The following LTBP2 variants were observed in gnomAD, a reference collection of about 807,000 sequenced individuals.
LTBP2 encodes the protein latent transforming growth factor beta binding protein 2.
In LTBP2, 103 loss-of-function variants were observed where a neutral mutation model predicts 210.6. That is an observed-to-expected ratio of 0.49 (90% confidence interval 0.42 to 0.58). The LOEUF (loss-of-function observed/expected upper bound fraction) is 0.58. Ranked by LOEUF, LTBP2 falls within the 20% of genes least tolerant of loss-of-function variation. The pLI is 0.00. For missense variants in LTBP2, 2,313 were observed against 2,494.5 expected, an observed-to-expected ratio of 0.93 and a Z score of 1.55; for synonymous variants, 1,007 against 1,015.0, an observed-to-expected ratio of 0.99 and a Z score of 0.15.
At position 74,532,494 on chromosome 14, in the gene LTBP2, G is replaced by A; in HGVS notation, c.1919C>T (p.Thr640Ile). The change falls in exon 10 of 36, where the codon ACC becomes ATC. Residue 640 changes from threonine (T) to isoleucine (I), a missense_variant. By Grantham distance (89) the Thr-to-Ile change is moderately conservative. Around this residue, in one of 3 missense-constraint regions of LTBP2, gnomAD observed 1,867 missense variants for 1,976.9 expected, o/e 0.94. Coordinates refer to ENST00000261978, the MANE Select transcript of LTBP2 (RefSeq NM_000428.3). ...GLCKDAECVN[T>I]RGSYLCTCRP... is the part of the protein sequence containing the mutation. ...GCATGTGCACAGGTAGCTGCCCCTG[G>A]TATTCACACACTCCGCGTCCTTGCA... 1.9e-6 allele frequency: 3 copies of A among 1,614,214 alleles called. No individual in the cohort carries two copies. Among genetic ancestry groups the A allele is most frequent in the Non-Finnish European group, 2.5e-6 (3 of 1,180,036 alleles).
At position 74,504,064 on chromosome 14, in the gene LTBP2, G is replaced by A. The variant is rs1400891203; in HGVS notation, c.4454-10C>T. 3.7e-6 allele frequency: 6 copies of A among 1,613,710 alleles called. No homozygotes were observed. Among genetic ancestry groups the A allele is most frequent in the African/African-American group, 2.7e-5 (2 of 75,072 alleles). On this transcript the variant is annotated splice_polypyrimidine_tract_variant and intron_variant, in intron 30 of 35. Coordinates refer to ENST00000261978, the MANE Select transcript of LTBP2 (RefSeq NM_000428.3). The stretch of plus-strand genomic sequence containing the variant: ...ACACACTCATCCGCATCTGTGGAAG[G>A]CAGAGCTGAGGTGAGAGGAAGGTGA...
chr14:74,577,676 T>C (rs1358678049), intron 3 of LTBP2, among the ~76,000 whole-genome samples: 3 of 151,892 alleles, frequency 2.0e-5, no homozygotes, highest in South Asian at 2.1e-4. Context: ...ACCCAGCTAA[T>C]TTTTGTATCT....
At chr14:74,555,411 G>T in intron 4 of LTBP2, 92 bp downstream of exon 4, 1 of 1,286,492 alleles carries the variant, frequency 7.8e-7, no homozygotes, top group Non-Finnish European at 1.1e-6. Flanking sequence ...TGACAACTCA[G>T]CCCCTCTGTG....
rs955375406 is a variant in LTBP2, at chr14:74,611,911, G to C, written c.34C>G (p.Arg12Gly). ...CCTCTCCAGGGGTTCCGCAGGGCGC[G>C]CCCCGGGCTGCGGGCTTTGGTCCGC... ...RPRTKARSPG[R>G]ALRNPWRGFL... The change falls in exon 1 of 36, where the codon CGC becomes GGC. Residue 12 changes from arginine (R) to glycine (G), a missense_variant. Arg to Gly is a moderately radical substitution (Grantham distance 125). Transcript: ENST00000261978. The C allele has an allele frequency of 1.3e-6, 2 of 1,593,064 alleles. No homozygotes were observed. Among genetic ancestry groups the C allele is most frequent in the Admixed American group, 1.7e-5 (1 of 58,906 alleles).
At chr14:74,529,169 G>A (rs2087318558) in intron 10 of LTBP2, 47 bp from the exon 11 acceptor site, 1 of 1,549,026 alleles carries the variant, frequency 6.5e-7, no homozygotes, top group South Asian at 1.2e-5. Context: ...CCAGTGGGAG[G>A]GGAATGCGCA....
Position 74,527,364 on chromosome 14 carries a change from C to G in LTBP2, c.2371G>C (p.Asp791His). The change falls in exon 13 of 36, where the codon GAC (aspartate) becomes CAC (histidine). Residue 791 changes from aspartate to histidine, a missense_variant and splice_region_variant. Coordinates refer to ENST00000261978, the MANE Select transcript of LTBP2 (RefSeq NM_000428.3). ...LEAGTIPDKG[D>H]SQAGQVTTSV... ...GCACTCACCTGGCCAGCCTGAGAGT[C>G]ACCTGGAAGGGAAAGGTAACAGCGT... is the stretch of plus-strand genomic sequence containing the variant. 1 of 1,611,304 alleles carries G rather than the reference C, an allele frequency of 6.2e-7. No homozygotes were observed. Among genetic ancestry groups the G allele is most frequent in the Non-Finnish European group, 8.5e-7 (1 of 1,179,024 alleles).
At chr14:74,589,089 A>G (rs548583378) in intron 2 of LTBP2, among the ~76,000 whole-genome samples, 1 of 152,162 alleles carries the variant, frequency 6.6e-6, no homozygotes, top group East Asian at 1.9e-4. Context: ...GACAGTGGAG[A>G]CCCCAGGACC....
intron 3 of LTBP2, among the ~76,000 whole-genome samples, chr14:74,585,506 C>T (rs1171222010): frequency 6.6e-6 from 1 of 152,246 alleles, no homozygotes; most frequent in Non-Finnish European, 1.5e-5. Flanking sequence ...AGGTAAGTGA[C>T]TCGCCTGGGG....
chr14:74,527,969 T>C (rs1279760240), intron 12 of LTBP2, among the ~76,000 whole-genome samples: 2 of 152,230 alleles, frequency 1.3e-5, no homozygotes, highest in Admixed American at 6.5e-5. Context: ...ACCAGTGACC[T>C]GGGCATGACT....
chr14:74,553,081 G>A lies in LTBP2; in HGVS notation c.1022-19C>T, dbSNP rs776910003. 4 of 1,613,448 alleles carry A rather than the reference G, an allele frequency of 2.5e-6. No homozygotes were observed. The South Asian group carries it at 3.3e-5, about 13-fold the overall frequency. The stretch of plus-strand genomic sequence containing the variant: ...TTCAGCCCTGCAGAGAGAGGGCTTG[G>A]GTCCAGGGGGCAGGGCTGAGAGGCA... On this transcript the variant is annotated intron_variant, in intron 4 of 35. Transcript: ENST00000261978.
intron 3 of LTBP2, among the ~76,000 whole-genome samples, chr14:74,557,341 T>C (rs1464179149): frequency 1.3e-5 from 2 of 152,206 alleles, no homozygotes; most frequent in African/African-American, 4.8e-5. Context: ...AACATTTATG[T>C]CTGGAGGCAC....
chr14:74,551,976 G>A (rs1296458768), intron 6 of LTBP2, among the ~76,000 whole-genome samples: 1 of 152,170 alleles, frequency 6.6e-6, no homozygotes, highest in Admixed American at 6.5e-5. Flanking sequence ...CACAGGGAAA[G>A]GGCAAAAACA....
intron 3 of LTBP2, chr14:74,559,904 G>GC (rs1319021327): frequency 1.3e-5 from 2 of 152,178 alleles, no homozygotes; most frequent in African/African-American, 4.8e-5. Context: ...GGTGACCACA[G>GC]CCCCCAGGAG....
intron 1 of LTBP2, among the ~76,000 whole-genome samples, chr14:74,606,161 G>A (rs1342505512): frequency 6.6e-6 from 1 of 152,188 alleles, no homozygotes; most frequent in East Asian, 1.9e-4. Context: ...CATTAGCCCA[G>A]TATCCAGCAT....
At chr14:74,562,120 G>A (rs2087801664) in intron 3 of LTBP2, among the ~76,000 whole-genome samples, 1 of 151,974 alleles carries the variant, frequency 6.6e-6, no homozygotes, top group South Asian at 2.1e-4. Context: ...TGAGGCAGGA[G>A]AATTACTTGA....
At chr14:74,510,389 G>A (rs980884042) in intron 19 of LTBP2, among the ~76,000 whole-genome samples, 176 bp from the exon 20 acceptor site, 3 of 152,200 alleles carry the variant, frequency 2.0e-5, no homozygotes, top group Admixed American at 6.5e-5. Flanking sequence ...AGGGCAGGGC[G>A]TCCCATCCCC....
intron 4 of LTBP2, among the ~76,000 whole-genome samples, chr14:74,553,945 T>TGTGTGC (rs1566636005): frequency 1.3e-5 from 2 of 151,134 alleles, no homozygotes; most frequent in African/African-American, 4.9e-5. Context: ...TGTGTGTGTG[T>TGTGTGC]GTGTGTGTGT....
chr14:74,605,101 G>A (rs1168038207), intron 1 of LTBP2, among the ~76,000 whole-genome samples: 3 of 152,246 alleles, frequency 2.0e-5, no homozygotes, highest in African/African-American at 4.8e-5. Flanking sequence ...TAAGAGGGGA[G>A]GGAGAAGTGC....
At chr14:74,592,820 CG>C (rs2088300566) in intron 2 of LTBP2, among the ~76,000 whole-genome samples, 1 of 152,178 alleles carries the variant, frequency 6.6e-6, no homozygotes, top group Non-Finnish European at 1.5e-5. Context: ...CTGCAGAAGA[CG>C]GAATACCCCC....
Sources: gnomAD v4.1 joint callset for allele counts (sites outside exome capture counted in the v4.1 genomes callset) on GRCh38, gnomAD v4.1.1 for gene constraint, gnomAD v4.1.1 regional missense constraint, MANE v1.5 for transcripts, NCBI Gene and HGNC (gene_info 2026-07-23, HGNC 2026-07-21) for gene names.